Variants in GPHN observed in about 807,000 individuals in gnomAD.
The protein encoded by GPHN is gephyrin.
GPHN carries 17 observed loss-of-function variants against 95.5 expected under a neutral mutation model. That is an observed-to-expected ratio of 0.18 (90% CI 0.12 to 0.27). GPHN has a LOEUF of 0.27. GPHN is among the 10% of genes least tolerant of loss of function. GPHN has a pLI of 1.00. For synonymous variants in GPHN, 320 were observed against 322.5 expected, an observed-to-expected ratio of 0.99 and a Z score of 0.08; for missense variants, 660 against 978.1, an observed-to-expected ratio of 0.67 and a Z score of 4.34.
chr14:67,600,869 G>A, the GPHN span, among the ~76,000 whole-genome samples: 2 of 152,250 alleles, frequency 1.3e-5, no homozygotes, highest in African/African-American at 2.4e-5. Context: ...GTGAGCCACC[G>A]CACCCAGCCC....
chr14:67,224,259 C>CTTTTTTTTTT, the GPHN span, among the ~76,000 whole-genome samples: 1 of 134,800 alleles, frequency 7.4e-6, no homozygotes, highest in Admixed American at 7.5e-5. Flanking sequence ...TCTCTCTTTT[C>CTTTTTTTTTT]TTTTTTTTTT....
chr14:67,391,209 A>G, the GPHN span, among the ~76,000 whole-genome samples: 3 of 152,066 alleles, frequency 2.0e-5, no homozygotes, highest in African/African-American at 7.2e-5. Flanking sequence ...CACATTGTGC[A>G]TTAGGAAAAA....
chr14:66,899,371 C>T (rs1411270287), intron 5 of GPHN, among the ~76,000 whole-genome samples: 1 of 151,808 alleles, frequency 6.6e-6, no homozygotes, highest in Admixed American at 6.6e-5. Flanking sequence ...CTCAATGTTT[C>T]ACTATTAAGT....
the GPHN span, among the ~76,000 whole-genome samples, chr14:67,720,408 T>C: frequency 1.3e-5 from 2 of 152,240 alleles, no homozygotes; most frequent in African/African-American, 2.4e-5. Context: ...CCTGTCTTAC[T>C]AGAAAGGTCT....
chr14:67,414,384 C>T, the GPHN span, among the ~76,000 whole-genome samples: 2 of 152,204 alleles, frequency 1.3e-5, no homozygotes, highest in African/African-American at 4.8e-5. Context: ...CACCAGCCCA[C>T]CAGGGAACCA....
At chr14:67,635,096 T>C in the GPHN span, among the ~76,000 whole-genome samples, 3 of 151,946 alleles carry the variant, frequency 2.0e-5, no homozygotes, top group Non-Finnish European at 2.9e-5. Flanking sequence ...AAATATAAAT[T>C]AGCCAGGTAT....
the GPHN span, among the ~76,000 whole-genome samples, chr14:67,556,898 C>G: frequency 6.6e-6 from 1 of 152,076 alleles, no homozygotes; most frequent in Non-Finnish European, 1.5e-5. Flanking sequence ...ATATCTCTAC[C>G]ACGGTGGGGT....
At chr14:67,341,015 G>A in the GPHN span, among the ~76,000 whole-genome samples, 14 of 152,126 alleles carry the variant, frequency 9.2e-5, no homozygotes, top group African/African-American at 3.1e-4. Context: ...GCGTGATCTC[G>A]GCTCGCTACA....
the GPHN span, chr14:67,727,394 G>A: frequency 1.4e-5 from 8 of 563,168 alleles, no homozygotes; most frequent in Non-Finnish European, 2.2e-5. Context: ...ACCTCAAAAA[G>A]TTACCTTGTA....
At chr14:67,621,992 G>A in the GPHN span, among the ~76,000 whole-genome samples, 2 of 152,074 alleles carry the variant, frequency 1.3e-5, no homozygotes, top group Non-Finnish European at 2.9e-5. Flanking sequence ...AGCTACTCAG[G>A]AGCCTGAGAC....
At chr14:66,944,102 C>T (rs529254171) in intron 8 of GPHN, among the ~76,000 whole-genome samples, 1 of 152,136 alleles carries the variant, frequency 6.6e-6, no homozygotes, top group African/African-American at 2.4e-5. Flanking sequence ...TTTAAATATA[C>T]CTATAATTTG....
the GPHN span, chr14:67,724,948 G>C: frequency 2.1e-6 from 2 of 958,852 alleles, no homozygotes; most frequent in Admixed American, 3.4e-5. Flanking sequence ...CAGTACTACT[G>C]TGAAAAGCCC....
chr14:66,563,751 G>T (rs2060355953), intron 1 of GPHN, among the ~76,000 whole-genome samples: 1 of 152,046 alleles, frequency 6.6e-6, no homozygotes, highest in African/African-American at 2.4e-5. Flanking sequence ...CTCATGGCTG[G>T]TTTTTTATTT....
At chr14:66,556,023 C>T (rs1427512136) in intron 1 of GPHN, among the ~76,000 whole-genome samples, 1 of 152,090 alleles carries the variant, frequency 6.6e-6, no homozygotes, top group Non-Finnish European at 1.5e-5. Flanking sequence ...TAGCCTATTG[C>T]TCTTAGACTA....
chr14:67,659,867 A>G, the GPHN span: 2 of 1,614,176 alleles, frequency 1.2e-6, no homozygotes, highest in South Asian at 1.1e-5. Flanking sequence ...CTTAGACATC[A>G]TGGGGTTTCG....
chr14:67,622,852 T>A, the GPHN span, among the ~76,000 whole-genome samples: 1 of 152,202 alleles, frequency 6.6e-6, no homozygotes. Flanking sequence ...GAGACCTCTA[T>A]AACAATCAGC....
chr14:66,910,641 T>C (rs1196716641), intron 5 of GPHN, among the ~76,000 whole-genome samples: 1 of 152,004 alleles, frequency 6.6e-6, no homozygotes, highest in Non-Finnish European at 1.5e-5. Flanking sequence ...CACATATGTA[T>C]ATATATGTCT....
At chr14:67,157,988 GA>G (rs2153715795) in intron 18 of GPHN, among the ~76,000 whole-genome samples, 1 of 151,990 alleles carries the variant, frequency 6.6e-6, no homozygotes, top group African/African-American at 2.4e-5. Context: ...GGGGGGGCTA[GA>G]AAATATAGGA....
At chr14:67,673,317 C>G in the GPHN span, among the ~76,000 whole-genome samples, 3 of 151,922 alleles carry the variant, frequency 2.0e-5, no homozygotes, top group Admixed American at 6.6e-5. Context: ...GCACTCCAGC[C>G]TGGGTGACAG....
Sources: gnomAD v4.1 joint callset for allele counts (sites outside exome capture counted in the v4.1 genomes callset) on GRCh38, gnomAD v4.1.1 for gene constraint, MANE v1.5 for transcripts, NCBI Gene and HGNC (gene_info 2026-07-23, HGNC 2026-07-21) for gene names.